SH3GLB1: variants seen among roughly 807,000 people sequenced by gnomAD.
The protein encoded by SH3GLB1 is SH3 domain containing GRB2 like, endophilin B1.
SH3GLB1 carries 17 observed loss-of-function variants against 42.0 expected under a neutral mutation model. The observed-to-expected ratio is 0.40, with a 90% CI of 0.28 to 0.61. The LOEUF is 0.61. Among genes scored for constraint, SH3GLB1 ranks in the 20% least tolerant of loss-of-function variants. SH3GLB1 has a pLI of 0.36. For synonymous variants in SH3GLB1, 132 were observed against 146.6 expected (o/e 0.90, Z 0.72); for missense variants, 355 against 426.3 (o/e 0.83, Z 1.47).
At chr1:86,733,565 C>G (rs1385235973) in intron 5 of SH3GLB1, among the ~76,000 whole-genome samples, 1 of 152,114 alleles carries the variant, frequency 6.6e-6, no homozygotes, top group African/African-American at 2.4e-5. Context: ...TGATAATTCC[C>G]AATGGGAGAA....
At chr1:86,710,503 G>C (rs1654147510) in intron 1 of SH3GLB1, among the ~76,000 whole-genome samples, 5 of 152,062 alleles carry the variant, frequency 3.3e-5, no homozygotes, top group Admixed American at 3.3e-4. Flanking sequence ...GATCTCAGGT[G>C]ATCCACCCGC....
chr1:86,718,725 G>T (rs1030137638), intron 2 of SH3GLB1, among the ~76,000 whole-genome samples: 1 of 152,188 alleles, frequency 6.6e-6, no homozygotes, highest in African/African-American at 2.4e-5. Flanking sequence ...ATACCTCTAG[G>T]TTGGACAGCA....
At position 86,704,825 on chromosome 1, in the gene SH3GLB1, T is replaced by G. The variant is rs918915937; in HGVS notation, c.-75T>G. 6.1e-5 allele frequency: 62 copies of G among 1,010,052 alleles called. No homozygotes were observed. The highest frequency in any genetic ancestry group is 4.6e-4 in the African/African-American group (27 of 58,914). 62.6% of individuals were successfully genotyped at this position (1,010,052 alleles called of 1,614,324 possible). ...ACGTCTGCCCTCGCCGCTCTAGCCC[T>G]GCGCCCCAGCCCGGCCGCGGCACCT... is the stretch of plus-strand genomic sequence containing the variant. On this transcript the variant is annotated 5_prime_UTR_variant, in exon 1 of 9. Transcript: ENST00000370558.
chr1:86,718,404 T>C (rs1654678040), intron 2 of SH3GLB1, among the ~76,000 whole-genome samples: 1 of 152,210 alleles, frequency 6.6e-6, no homozygotes, highest in Non-Finnish European at 1.5e-5. Flanking sequence ...TAAAAAGCTC[T>C]TTTTGGTTTT....
intron 5 of SH3GLB1, among the ~76,000 whole-genome samples, chr1:86,727,270 A>G (rs1163342681): frequency 2.6e-5 from 4 of 151,992 alleles, no homozygotes. Context: ...AAGAATGGTA[A>G]AGCAACATCA....
chr1:86,732,197 A>G (rs1312220913), intron 5 of SH3GLB1, among the ~76,000 whole-genome samples: 1 of 152,214 alleles, frequency 6.6e-6, no homozygotes, highest in African/African-American at 2.4e-5. Flanking sequence ...AGCATTACCA[A>G]AATTTAGGGC....
intron 3 of SH3GLB1, among the ~76,000 whole-genome samples, chr1:86,721,022 G>A (rs1431977160): frequency 6.6e-6 from 1 of 152,144 alleles, no homozygotes; most frequent in Non-Finnish European, 1.5e-5. Flanking sequence ...GATCATAAAG[G>A]TATGTGAAAG....
At chr1:86,719,108 A>G (rs1413575971) in intron 2 of SH3GLB1, among the ~76,000 whole-genome samples, 1 of 152,164 alleles carries the variant, frequency 6.6e-6, no homozygotes, top group Non-Finnish European at 1.5e-5. Context: ...TTATATCTGT[A>G]TTTTCCTAGC....
intron 5 of SH3GLB1, among the ~76,000 whole-genome samples, chr1:86,730,802 A>G (rs567501992): frequency 8.5e-5 from 13 of 152,298 alleles, no homozygotes; most frequent in African/African-American, 3.1e-4. Context: ...GTACCCGGCC[A>G]CAGATGAATT....
At chr1:86,739,618 G>C (rs1362646433) in intron 7 of SH3GLB1, among the ~76,000 whole-genome samples, 1 of 152,204 alleles carries the variant, frequency 6.6e-6, no homozygotes, top group African/African-American at 2.4e-5. Flanking sequence ...ACAGAGGAAT[G>C]AGGCAGTAGT....
chr1:86,709,315 G>T (rs972661844), intron 1 of SH3GLB1, among the ~76,000 whole-genome samples: 7 of 152,142 alleles, frequency 4.6e-5, no homozygotes, highest in Non-Finnish European at 8.8e-5. Context: ...CATATGTGAA[G>T]TTTAATCTTT....
chr1:86,723,238 G>GTGA (rs1218061273), intron 4 of SH3GLB1, among the ~76,000 whole-genome samples: 1 of 152,118 alleles, frequency 6.6e-6, no homozygotes, highest in African/African-American at 2.4e-5. Flanking sequence ...GCAGCCGGGC[G>GTGA]TGATGGCTAA....
At chr1:86,738,466 C>T (rs1053157005) in intron 7 of SH3GLB1, among the ~76,000 whole-genome samples, 2 of 151,886 alleles carry the variant, frequency 1.3e-5, no homozygotes, top group South Asian at 2.1e-4. Flanking sequence ...AGGGTTTCAC[C>T]GTGTTAGCCA....
intron 5 of SH3GLB1, among the ~76,000 whole-genome samples, chr1:86,724,882 A>AT (rs1429770726): frequency 1.9e-5 from 2 of 106,036 alleles, no homozygotes; most frequent in African/African-American, 9.8e-5. Flanking sequence ...TTTAAAAAAA[A>AT]AAAAAAAAAA....
intron 6 of SH3GLB1, 105 bp downstream of exon 6, chr1:86,734,796 TA>T: frequency 1.3e-6 from 1 of 752,868 alleles, no homozygotes; most frequent in Non-Finnish European, 2.2e-6. Flanking sequence ...CAAGGAAATT[TA>T]AATTGTTCTA....
intron 4 of SH3GLB1, 148 bp from the exon 5 acceptor site, chr1:86,724,165 A>G (rs1444534343): frequency 6.1e-6 from 3 of 490,560 alleles, no homozygotes; most frequent in African/African-American, 4.0e-5. Context: ...GGGCAGATAC[A>G]TGAATGGTAA....
intron 7 of SH3GLB1, among the ~76,000 whole-genome samples, chr1:86,739,154 T>C (rs1328651488): frequency 1.3e-5 from 2 of 152,146 alleles, no homozygotes; most frequent in African/African-American, 4.8e-5. Context: ...TGGACTTGGA[T>C]TGGGGGCAGG....
intron 7 of SH3GLB1, among the ~76,000 whole-genome samples, chr1:86,740,400 CTG>C (rs1387334630): frequency 6.6e-6 from 1 of 152,168 alleles, no homozygotes; most frequent in Non-Finnish European, 1.5e-5. Flanking sequence ...CAAAGCTTTT[CTG>C]TGTTTCTCCT....
chr1:86,709,885 A>C (rs1191448991), intron 1 of SH3GLB1, among the ~76,000 whole-genome samples: 2 of 152,202 alleles, frequency 1.3e-5, no homozygotes, highest in Non-Finnish European at 2.9e-5. Flanking sequence ...TGTAAAGATG[A>C]ATATGATGTT....
Sources: gnomAD v4.1 joint callset for allele counts (sites outside exome capture counted in the v4.1 genomes callset) on GRCh38, gnomAD v4.1.1 for gene constraint, MANE v1.5 for transcripts, NCBI Gene and HGNC (gene_info 2026-07-23, HGNC 2026-07-21) for gene names.